Variants in MYO18B observed in about 807,000 individuals in gnomAD.
MYO18B encodes myosin XVIIIB.
MYO18B carries 204 observed loss-of-function variants against 273.0 expected under a neutral mutation model. That is an observed-to-expected ratio of 0.75 (90% CI 0.67 to 0.84). The LOEUF (loss-of-function observed/expected upper bound fraction) is 0.84, where lower values mean the gene tolerates loss of function less well. MYO18B is among the 40% of genes least tolerant of loss of function. The pLI is 0.00. For missense variants in MYO18B, 3,212 were observed against 3,287.6 expected, an observed-to-expected ratio of 0.98 and a Z score of 0.56; for synonymous variants, 1,330 against 1,305.7, an observed-to-expected ratio of 1.02 and a Z score of -0.40.
chr22:25,793,377 A>G (rs1489972234), intron 11 of MYO18B, among the ~76,000 whole-genome samples: 1 of 152,050 alleles, frequency 6.6e-6, no homozygotes, highest in African/African-American at 2.4e-5. Context: ...TGGGGCTACA[A>G]GGACATATCA....
intron 3 of MYO18B, among the ~76,000 whole-genome samples, chr22:25,767,288 C>G (rs2086539270): frequency 6.6e-6 from 1 of 152,132 alleles, no homozygotes; most frequent in Admixed American, 6.6e-5. Flanking sequence ...CAGTGGAAAC[C>G]CCTTGGGTGT....
At chr22:25,981,121 C>A (rs1275606004) in intron 39 of MYO18B, among the ~76,000 whole-genome samples, 1 of 152,222 alleles carries the variant, frequency 6.6e-6, no homozygotes, top group African/African-American at 2.4e-5. Flanking sequence ...TGGATTAGGA[C>A]CCATCCTGCT....
the MYO18B span, among the ~76,000 whole-genome samples, chr22:26,041,534 AAAT>A: frequency 6.6e-6 from 1 of 152,038 alleles, no homozygotes; most frequent in Non-Finnish European, 1.5e-5. Context: ...TCTATCTCAA[AAAT>A]AATAATAATA....
chr22:25,989,578 C>T (rs2093238770), intron 39 of MYO18B, among the ~76,000 whole-genome samples: 1 of 127,384 alleles, frequency 7.9e-6, no homozygotes, highest in Non-Finnish European at 1.6e-5. Context: ...GTCAGGAAAT[C>T]AAGACCATCC....
intron 15 of MYO18B, 47 bp from the exon 16 acceptor site, chr22:25,832,870 C>A: frequency 6.6e-7 from 1 of 1,523,028 alleles, no homozygotes; most frequent in Non-Finnish European, 9.1e-7. Context: ...TTTCTTCCCC[C>A]TTCAGCTCGC....
intron 39 of MYO18B, among the ~76,000 whole-genome samples, chr22:25,958,851 G>A (rs1342538256): frequency 6.6e-6 from 1 of 152,168 alleles, no homozygotes; most frequent in Non-Finnish European, 1.5e-5. Context: ...ATAAGGGGCA[G>A]CTTCTTTGTG....
the MYO18B span, among the ~76,000 whole-genome samples, chr22:26,051,537 A>G: frequency 6.6e-6 from 1 of 152,170 alleles, no homozygotes; most frequent in African/African-American, 2.4e-5. Context: ...AAGGAAAGAG[A>G]TGGGATTTGA....
At chr22:26,057,405 T>A in the MYO18B span, among the ~76,000 whole-genome samples, 1 of 152,108 alleles carries the variant, frequency 6.6e-6, no homozygotes, top group African/African-American at 2.4e-5. Flanking sequence ...TCTTACTTAA[T>A]CCTTATGAGA....
At chr22:25,821,872 GA>G (rs939414991) in intron 12 of MYO18B, among the ~76,000 whole-genome samples, 27 of 152,088 alleles carry the variant, frequency 1.8e-4, no homozygotes, top group African/African-American at 6.5e-4. Flanking sequence ...AGAAAATTTG[GA>G]AAATAAAAAA....
At chr22:25,843,149 G>T (rs1301087862) in intron 17 of MYO18B, among the ~76,000 whole-genome samples, 9 of 152,132 alleles carry the variant, frequency 5.9e-5, no homozygotes, top group African/African-American at 2.2e-4. Context: ...AAGAACCTAG[G>T]ATTTCTCTAG....
intron 33 of MYO18B, among the ~76,000 whole-genome samples, chr22:25,914,143 T>G (rs921732526): frequency 2.0e-5 from 3 of 151,326 alleles, no homozygotes; most frequent in Non-Finnish European, 3.0e-5. Flanking sequence ...GCTCATTGGG[T>G]TTTTTTTTGT....
intron 42 of MYO18B, among the ~76,000 whole-genome samples, chr22:26,019,754 C>T (rs918447084): frequency 3.9e-5 from 6 of 152,172 alleles, no homozygotes; most frequent in East Asian, 3.9e-4. Context: ...GGTGACAGCA[C>T]GCTTTGGGGG....
At chr22:26,054,069 A>T in the MYO18B span, among the ~76,000 whole-genome samples, 2 of 152,132 alleles carry the variant, frequency 1.3e-5, no homozygotes, top group South Asian at 4.1e-4. Flanking sequence ...AACTAATTGG[A>T]TGTGGAGGCG....
intron 32 of MYO18B, among the ~76,000 whole-genome samples, chr22:25,908,804 A>G (rs1601544979): frequency 6.6e-6 from 1 of 152,234 alleles, no homozygotes; most frequent in East Asian, 1.9e-4. Context: ...AAGTCTTTGT[A>G]GCCATTCCGA....
chr22:25,894,832 A>G (rs1555929705), intron 27 of MYO18B: 1 of 180,860 alleles, frequency 5.5e-6, no homozygotes, highest in Non-Finnish European at 1.2e-5. Context: ...CCTTGCCCTT[A>G]AGGATTATGA....
At chr22:25,772,684 C>G (rs2145611062) in intron 7 of MYO18B, among the ~76,000 whole-genome samples, 174 bp downstream of exon 7, 1 of 152,328 alleles carries the variant, frequency 6.6e-6, no homozygotes, top group East Asian at 1.9e-4. Flanking sequence ...TGAGATTCCC[C>G]CATTCCCTGG....
At chr22:25,982,775 G>C (rs901784966) in intron 39 of MYO18B, among the ~76,000 whole-genome samples, 3 of 152,138 alleles carry the variant, frequency 2.0e-5, no homozygotes, top group African/African-American at 7.2e-5. Flanking sequence ...CCTACCTCAA[G>C]ATCCTTAAGA....
chr22:25,944,762 G>A (rs965241775), intron 34 of MYO18B, among the ~76,000 whole-genome samples: 1 of 151,506 alleles, frequency 6.6e-6, no homozygotes, highest in Non-Finnish European at 1.5e-5. Flanking sequence ...CAGGAGAATC[G>A]CTGGAACCCG....
chr22:25,928,273 A>G (rs2146484762), intron 34 of MYO18B, among the ~76,000 whole-genome samples: 1 of 152,024 alleles, frequency 6.6e-6, no homozygotes, highest in African/African-American at 2.4e-5. Flanking sequence ...ACGGCTTGTA[A>G]AAATTGGCAG....
Sources: gnomAD v4.1 joint callset for allele counts (sites outside exome capture counted in the v4.1 genomes callset) on GRCh38, gnomAD v4.1.1 for gene constraint, MANE v1.5 for transcripts, NCBI Gene and HGNC (gene_info 2026-07-23, HGNC 2026-07-21) for gene names.